RADX: variants seen among roughly 807,000 people sequenced by gnomAD.
RADX encodes RPA1 related single stranded DNA binding protein, X-linked, also known as RPA-related protein RADX.
A neutral mutation model predicts 61.6 loss-of-function variants in RADX; 36 were observed. That is an observed-to-expected ratio of 0.58 (90% CI 0.45 to 0.77). RADX has a LOEUF of 0.77. Ranked by LOEUF, RADX falls within the 30% of genes least tolerant of loss-of-function variation. The pLI is 0.00. For synonymous variants in RADX, 272 were observed against 237.9 expected (o/e 1.14, Z -1.32); for missense variants, 497 against 651.1 (o/e 0.76, Z 2.58).
intron 11 of RADX, among the ~76,000 whole-genome samples, chrX:106,649,163 G>T (rs1440615495): frequency 9.0e-6 from 1 of 111,314 alleles, no homozygotes; most frequent in Non-Finnish European, 1.9e-5. Context: ...TCATATTCTA[G>T]ACTGATTATT....
intron 10 of RADX, among the ~76,000 whole-genome samples, chrX:106,645,914 T>C (rs1228663119): frequency 9.0e-6 from 1 of 111,007 alleles, no homozygotes; most frequent in Non-Finnish European, 1.9e-5. Context: ...TAATATTTGG[T>C]TTATATATCT....
chrX:106,673,068 C>T (rs957679792), intron 13 of RADX, among the ~76,000 whole-genome samples: 5 of 111,901 alleles, frequency 4.5e-5, no homozygotes, highest in Non-Finnish European at 9.4e-5. Context: ...GAAATACCAT[C>T]TAAGAGCCAA....
intron 1 of RADX, among the ~76,000 whole-genome samples, chrX:106,619,164 A>T (rs1476287008): frequency 9.0e-6 from 1 of 111,103 alleles, no homozygotes; most frequent in East Asian, 2.8e-4. Context: ...TTATGGGTAC[A>T]TAGTAGGTGT....
intron 11 of RADX, among the ~76,000 whole-genome samples, chrX:106,660,691 T>C (rs753754328): frequency 8.9e-6 from 1 of 112,242 alleles, no homozygotes; most frequent in Non-Finnish European, 1.9e-5. Context: ...TTTCCGATTC[T>C]ACCATGGTAC....
chrX:106,674,675 A>T lies in RADX; in HGVS notation c.2438-3453A>T, dbSNP rs746863172. On this transcript the variant is annotated intron_variant, in intron 13 of 13. Coordinates refer to ENST00000372548, the MANE Select transcript of RADX (RefSeq NM_018015.6). ...ATTTGGGTGATGTTGATATGGCTTCATCTTTACAACTTAAAATTTTAATCC... is the reference window on the plus strand; with the variant it reads ...ATTTGGGTGATGTTGATATGGCTTCTTCTTTACAACTTAAAATTTTAATCC... 1.2e-4 allele frequency among the ~76,000 whole-genome samples: 14 copies of T among 112,176 alleles called. No individual in the cohort carries two copies. In the East Asian group the frequency reaches 3.1e-3, roughly 25 times the overall value.
Position 106,669,208 on chromosome X carries a change from A to G in RADX, c.2315A>G (p.Tyr772Cys). The G allele has an allele frequency of 8.3e-7, 1 of 1,202,734 alleles. No individual in the cohort carries two copies. The highest frequency in any genetic ancestry group is 1.1e-6 in the Non-Finnish European group (1 of 887,515). The change falls in exon 13 of 14, where the codon TAT becomes TGT. Residue 772 changes from tyrosine (Y) to cysteine (C), a missense_variant. Around this residue, in one of 3 missense-constraint regions of RADX, gnomAD observed 267 missense variants for 306.9 expected, o/e 0.87. Transcript: ENST00000372548. ...ATCGATGTTGCTTTCCTACCCATGT[A>G]TTGTCCAGAAGATATTCGAACATCT... ...IAIDVAFLPM[Y>C]CPEDIRTSQI... is the part of the protein sequence containing the mutation.
chrX:106,673,474 C>G (rs766856404), intron 13 of RADX, among the ~76,000 whole-genome samples: 16 of 110,098 alleles, frequency 1.5e-4, no homozygotes, highest in Admixed American at 1.3e-3. Context: ...GTGCCCTATC[C>G]TGCTATGCCC....
At chrX:106,665,120 T>G in intron 12 of RADX, among the ~76,000 whole-genome samples, 1 of 112,183 alleles carries the variant, frequency 8.9e-6, no homozygotes, top group Middle Eastern at 4.6e-3. Flanking sequence ...GGTTCATATA[T>G]ATTTTAAGCA....
At chrX:106,654,967 A>G (rs949502529) in intron 11 of RADX, among the ~76,000 whole-genome samples, 36 of 111,957 alleles carry the variant, frequency 3.2e-4, no homozygotes, top group Admixed American at 1.1e-3. Flanking sequence ...AGTCAAAGAG[A>G]AACAATAGAA....
Position 106,632,479 on chromosome X carries a change from T to C in RADX, c.980-146T>C, listed in dbSNP as rs763289016. On this transcript the variant is annotated intron_variant, in intron 3 of 13. Coordinates refer to ENST00000372548, the MANE Select transcript of RADX (RefSeq NM_018015.6). Reference sequence around the variant, plus strand: ...AGATAAGTGGATGTGATAATGGAGGTAGAAGAACACTGATAATAGTCTAGT... The same window carrying C: ...AGATAAGTGGATGTGATAATGGAGGCAGAAGAACACTGATAATAGTCTAGT... 48 of 346,028 alleles carry C rather than the reference T, an allele frequency of 1.4e-4. No homozygotes were observed. In the East Asian group the frequency reaches 2.2e-3, roughly 16 times the overall value. The allele number at this position is 346,028 out of a possible 1,213,427, so 28.5% of individuals were successfully genotyped here. A position where few individuals can be genotyped will look rare whatever the true frequency, so the allele number is the denominator to read the frequency against.
At position 106,629,694 on chromosome X, in the gene RADX, A is replaced by G. The variant is rs186933332; in HGVS notation, c.980-2931A>G. ...AAACTCATATTTTGCTTCCAATATA[A>G]CCGTGATAATCAAAACCAAACAAGA... On this transcript the variant is annotated intron_variant, in intron 3 of 13. Coordinates refer to ENST00000372548, the MANE Select transcript of RADX (RefSeq NM_018015.6). Among the ~76,000 whole-genome samples, 260 of 111,711 alleles carry G rather than the reference A, an allele frequency of 2.3e-3. 2 individuals carry two copies. Among genetic ancestry groups the G allele is most frequent in the African/African-American group, 8.2e-3 (253 of 30,777 alleles).
intron 13 of RADX, among the ~76,000 whole-genome samples, chrX:106,672,794 C>T (rs768008521): frequency 8.9e-6 from 1 of 111,884 alleles, no homozygotes; most frequent in African/African-American, 3.2e-5. Flanking sequence ...AAATCTTAGA[C>T]GTCTACCTGG....
At chrX:106,645,884 A>C (rs770507304) in intron 10 of RADX, among the ~76,000 whole-genome samples, 10 of 111,130 alleles carry the variant, frequency 9.0e-5, no homozygotes, top group Middle Eastern at 9.2e-3. Flanking sequence ...ATTGCGGCCT[A>C]TCTGTCTCTT....
intron 3 of RADX, among the ~76,000 whole-genome samples, chrX:106,626,922 A>G: frequency 8.9e-6 from 1 of 111,942 alleles, no homozygotes; most frequent in Non-Finnish European, 1.9e-5. Flanking sequence ...CAAGTAGTAA[A>G]TATTTTAGGC....
In RADX at chrX:106,640,568, C is replaced by T. The variant is rs148169764; in HGVS notation, c.1751C>T (p.Ser584Leu). 1.7e-6 allele frequency: 2 copies of T among 1,190,518 alleles called. No individual in the cohort carries two copies. The highest frequency in any genetic ancestry group is 1.8e-5 in the African/African-American group (1 of 56,157). ...SETLRNANRP[S>L]TSQAARVEIQ... The stretch of plus-strand genomic sequence containing the variant: ...TGGTTTTAGAATGCTAACAGACCCT[C>T]GACCTCTCAAGCAGCTAGAGTAGAA... Residue 584 changes from serine to leucine, a missense_variant, in exon 10 of 14, where the codon TCG (serine) becomes TTG (leucine). Coordinates refer to ENST00000372548, the MANE Select transcript of RADX (RefSeq NM_018015.6).
At chrX:106,674,262 T>C (rs191960255) in intron 13 of RADX, among the ~76,000 whole-genome samples, 164 of 111,372 alleles carry the variant, frequency 1.5e-3, no homozygotes, top group African/African-American at 5.2e-3. Flanking sequence ...CTGCTCTGCC[T>C]CCAATCCCTC....
chrX:106,620,598 C>T (rs1017179289), intron 1 of RADX, among the ~76,000 whole-genome samples: 1 of 110,145 alleles, frequency 9.1e-6, no homozygotes, highest in Non-Finnish European at 1.9e-5. Flanking sequence ...CACTTAAACC[C>T]GGGAGGTGGA....
chrX:106,664,126 C>T (rs1488897507), intron 12 of RADX, among the ~76,000 whole-genome samples: 4 of 110,909 alleles, frequency 3.6e-5, no homozygotes, highest in East Asian at 2.8e-4. Context: ...TTAAAGGAAG[C>T]GCAAAAGTAG....
chrX:106,629,228 A>G (rs1472486719), intron 3 of RADX, among the ~76,000 whole-genome samples: 1 of 111,537 alleles, frequency 9.0e-6, no homozygotes, highest in Non-Finnish European at 1.9e-5. Flanking sequence ...GAACCCTAGC[A>G]TTTTAGAGCT....
Sources: gnomAD v4.1 joint callset for allele counts (sites outside exome capture counted in the v4.1 genomes callset) on GRCh38, gnomAD v4.1.1 for gene constraint, gnomAD v4.1.1 regional missense constraint, MANE v1.5 for transcripts, NCBI Gene and HGNC (gene_info 2026-07-23, HGNC 2026-07-21) for gene names.